Variants in DEFB109B observed in about 807,000 individuals in gnomAD.
The protein encoded by DEFB109B is beta-defensin 109B.
At chr8:7,315,112 C>G (rs371718134) in intron 1 of DEFB109B, among the ~76,000 whole-genome samples, 11 of 54,758 alleles carry the variant, frequency 2.0e-4, no homozygotes, top group East Asian at 8.3e-4. Flanking sequence ...TTACCTTGCT[C>G]TGACCTCAAA....
At chr8:7,312,965 C>G (rs1802702506) in intron 1 of DEFB109B, 62 bp downstream of exon 1, 2 of 136,010 alleles carry the variant, frequency 1.5e-5, no homozygotes, top group Non-Finnish European at 3.0e-5. Context: ...CCTGGCCAGA[C>G]AAGAACCTAG....
At chr8:7,315,091 C>T (rs1489382433) in intron 1 of DEFB109B, among the ~76,000 whole-genome samples, 6 of 44,448 alleles carry the variant, frequency 1.3e-4, no homozygotes, top group African/African-American at 2.4e-4. Context: ...TCGATTCTCA[C>T]AGTGAGACCT....
chr8:7,316,889 C>T (rs977645546), intron 1 of DEFB109B, among the ~76,000 whole-genome samples: 5 of 128,162 alleles, frequency 3.9e-5, no homozygotes, highest in Non-Finnish European at 6.1e-5. Flanking sequence ...GATCCACCCG[C>T]CTCGGCCTCC....
At chr8:7,319,321 T>C (rs1240167083) in intron 1 of DEFB109B, 3 of 142,982 alleles carry the variant, frequency 2.1e-5, no homozygotes, top group Non-Finnish European at 4.4e-5. Context: ...GAAATCAGCA[T>C]ACCTGAGATG....
At chr8:7,312,043 G>T (rs1177730737), upstream of DEFB109B, among the ~76,000 whole-genome samples, 2 of 123,052 alleles carry the variant, frequency 1.6e-5, no homozygotes, top group South Asian at 4.6e-4. Context: ...TGTAAAAGAT[G>T]CAATAATCCA....
chr8:7,316,882 C>T (rs1329212866), intron 1 of DEFB109B, among the ~76,000 whole-genome samples: 5 of 128,136 alleles, frequency 3.9e-5, no homozygotes, highest in Non-Finnish European at 7.7e-5. Flanking sequence ...ACCTCGTGAT[C>T]CACCCGCCTC....
At chr8:7,319,406 G>C (rs1293575177) in intron 1 of DEFB109B, 1 of 130,096 alleles carries the variant, frequency 7.7e-6, no homozygotes, top group East Asian at 2.2e-4. Flanking sequence ...GGAAGCACCA[G>C]GGCCCTCAGT....
At position 7,319,695 on chromosome 8, in the gene DEFB109B, T is replaced by A. The variant is rs1436119002; in HGVS notation, n.59-51T>A. 2.4e-4 allele frequency: 35 copies of A among 147,976 alleles called. 5 individuals are homozygous for A. The highest frequency in any genetic ancestry group is 8.9e-4 in the African/African-American group (32 of 35,950). The allele number at this position is 147,976 out of a possible 1,614,324, so 9.2% of individuals were successfully genotyped here. On this transcript the variant is annotated intron_variant and non_coding_transcript_variant, in intron 1 of 1. Transcript: ENST00000382656. ...TCTGTTACTTAAGAGTGTTTATGGA[T>A]TTACATTCCATTTGTGGACTAACTA... is the stretch of plus-strand genomic sequence containing the variant.
upstream of DEFB109B, among the ~76,000 whole-genome samples, chr8:7,309,597 G>A (rs1337535692): frequency 6.8e-6 from 1 of 147,846 alleles, no homozygotes; most frequent in African/African-American, 2.7e-5. Context: ...AACAGAGCAT[G>A]CCCTTCTGCA....
chr8:7,311,936 T>C (rs1204169337), upstream of DEFB109B, among the ~76,000 whole-genome samples: 13 of 121,832 alleles, frequency 1.1e-4, 1 homozygote, highest in Admixed American at 4.6e-4. Flanking sequence ...TTTACAAAGC[T>C]CTTTTGTGAT....
intron 1 of DEFB109B, chr8:7,319,390 C>A (rs1475487895): frequency 2.1e-5 from 3 of 145,614 alleles, no homozygotes; most frequent in East Asian, 3.9e-4. Flanking sequence ...GTATCAGCCA[C>A]AAGGTGGAAG....
rs1271123337 is a variant in DEFB109B at position 7,319,739 on chromosome 8, C to T, written n.59-7C>T. 3 of 147,726 alleles carry T rather than the reference C, an allele frequency of 2.0e-5. No homozygotes were observed. Among genetic ancestry groups the T allele is most frequent in the Admixed American group, 6.6e-5 (1 of 15,112 alleles). 9.2% of individuals were successfully genotyped at this position (147,726 alleles called of 1,614,324 possible). ...CTAACTATCTCACTGGATCTTCTTT[C>T]CTTCAGTAAGAGGTGGTTTGGGTCC... On this transcript the variant is annotated splice_region_variant and splice_polypyrimidine_tract_variant and intron_variant and non_coding_transcript_variant, in intron 1 of 1. Coordinates refer to ENST00000382656, the Ensembl canonical transcript of DEFB109B.
chr8:7,318,989 A>T (rs970189992), intron 1 of DEFB109B: 1 of 145,940 alleles, frequency 6.9e-6, no homozygotes, highest in Non-Finnish European at 1.5e-5. Flanking sequence ...TCAAATCTAA[A>T]TATGGAGAGA....
chr8:7,312,295 T>C (rs922885032), upstream of DEFB109B, among the ~76,000 whole-genome samples: 6 of 139,180 alleles, frequency 4.3e-5, 1 homozygote, highest in Admixed American at 2.7e-4. Context: ...AACAATAAGG[T>C]ATTTTGTATT....
chr8:7,311,950 AT>A (rs1802630205), upstream of DEFB109B, among the ~76,000 whole-genome samples: 1 of 125,406 alleles, frequency 8.0e-6, no homozygotes, highest in Non-Finnish European at 1.5e-5. Context: ...TTGTGATTTC[AT>A]TTTTAAAATC....
upstream of DEFB109B, among the ~76,000 whole-genome samples, chr8:7,312,043 G>A (rs1177730737): frequency 8.1e-6 from 1 of 123,052 alleles, no homozygotes; most frequent in Non-Finnish European, 1.5e-5. Context: ...TGTAAAAGAT[G>A]CAATAATCCA....
At chr8:7,319,763 C>G (rs922793008) in exon 2 of DEFB109B, 2 of 145,546 alleles carry the variant, frequency 1.4e-5, no homozygotes, top group Non-Finnish European at 2.9e-5. Context: ...TGGTTTGGGT[C>G]CTGCGGAAGG....
In DEFB109B at chr8:7,315,577, T is replaced by C. The variant is rs907556466; in HGVS notation, n.58+2674T>C. 6.9e-4 allele frequency among the ~76,000 whole-genome samples: 88 copies of C among 126,670 alleles called. 1 individual carries two copies. Among genetic ancestry groups the C allele is most frequent in the Admixed American group, 4.5e-3 (62 of 13,732 alleles). 83.1% of individuals were successfully genotyped at this position (126,670 alleles called of 152,430 possible). On this transcript the variant is annotated intron_variant and non_coding_transcript_variant, in intron 1 of 1. Transcript: ENST00000382656. ...AGAAAAGCATTAAATCATTAGTGAG[T>C]GAATGAGAGTGAGTGTGTTTGGGCC... is the stretch of plus-strand genomic sequence containing the variant.
rs1253177917 is a variant in DEFB109B, at chr8:7,319,250, AGAG to A, written n.59-495_59-493del. 180 of 121,770 alleles carry A rather than the reference AGAG, an allele frequency of 1.5e-3. 1 individual carries two copies. Among genetic ancestry groups the A allele is most frequent in the South Asian group, 3.9e-3 (16 of 4,092 alleles). The allele number at this position is 121,770 out of a possible 1,614,324, so 7.5% of individuals were successfully genotyped here. The stretch of plus-strand genomic sequence containing the variant: ...GTGAAGCCAACAAAAAAAAAAAAAA[AGAG>A]AGAGAGAGAGAGAGAGTGAAAGAAA... On this transcript the variant is annotated intron_variant and non_coding_transcript_variant, in intron 1 of 1. Coordinates refer to ENST00000382656, the Ensembl canonical transcript of DEFB109B.
Sources: gnomAD v4.1 joint callset for allele counts (sites outside exome capture counted in the v4.1 genomes callset) on GRCh38, gnomAD v4.1.1 for gene constraint, MANE v1.5 for transcripts, NCBI Gene and HGNC (gene_info 2026-07-23, HGNC 2026-07-21) for gene names.